The following FBXL7 variants were observed in gnomAD, a reference collection of about 807,000 sequenced individuals.
FBXL7 encodes F-box and leucine rich repeat protein 7.
In FBXL7, 12 loss-of-function variants were observed where a neutral mutation model predicts 38.3. The ratio of observed to expected loss-of-function variants is 0.31; its 90% CI spans 0.20 to 0.51. The LOEUF is 0.51. Among genes scored for constraint, FBXL7 ranks in the 20% least tolerant of loss-of-function variants. FBXL7 has a pLI of 0.98. For synonymous variants in FBXL7, 297 were observed against 300.9 expected, an observed-to-expected ratio of 0.99 and a Z score of 0.13; for missense variants, 567 against 676.4, an observed-to-expected ratio of 0.84 and a Z score of 1.79.
chr5:15,556,313 G>A (rs1376477627), intron 1 of FBXL7, among the ~76,000 whole-genome samples: 1 of 151,998 alleles, frequency 6.6e-6, no homozygotes, highest in Non-Finnish European at 1.5e-5. Context: ...ACGTGTGTCT[G>A]AGCCCAAGCA....
chr5:15,506,149 TAAAG>T (rs1736641137), intron 1 of FBXL7, among the ~76,000 whole-genome samples: 1 of 152,064 alleles, frequency 6.6e-6, no homozygotes, highest in Admixed American at 6.6e-5. Flanking sequence ...ACTTTTCACT[TAAAG>T]GAAGCCGTTT....
rs1737856909 is a variant in FBXL7 at position 15,544,867 on chromosome 5, TA to T, written c.37+44155del. ...CATCTTCATCTGACTTCATTCTTTT[TA>T]GCCGTCTTATTCATTGAGTTTTGGA... On this transcript the variant is annotated intron_variant, in intron 1 of 3. Coordinates refer to ENST00000504595, the MANE Select transcript of FBXL7 (RefSeq NM_012304.5). 2.6e-5 allele frequency among the ~76,000 whole-genome samples: 4 copies of T among 152,364 alleles called. No individual in the cohort carries two copies. The South Asian group carries it at 8.3e-4, about 32-fold the overall frequency.
intron 2 of FBXL7, among the ~76,000 whole-genome samples, chr5:15,685,115 G>C (rs1742975326): frequency 6.6e-6 from 1 of 152,010 alleles, no homozygotes; most frequent in East Asian, 1.9e-4. Context: ...CTACCTGATA[G>C]ACAGAAGTAT....
chr5:15,695,323 A>T (rs1360877958), intron 2 of FBXL7, among the ~76,000 whole-genome samples: 1 of 152,024 alleles, frequency 6.6e-6, no homozygotes, highest in Non-Finnish European at 1.5e-5. Flanking sequence ...AGAAGCCAGC[A>T]GGCGTCCAGG....
chr5:15,823,887 T>C (rs1738237169), intron 2 of FBXL7, among the ~76,000 whole-genome samples: 1 of 152,102 alleles, frequency 6.6e-6, no homozygotes, highest in Non-Finnish European at 1.5e-5. Flanking sequence ...TGTCTCCCCT[T>C]TCAAATACAG....
intron 2 of FBXL7, among the ~76,000 whole-genome samples, chr5:15,893,767 A>G (rs1741006473): frequency 6.6e-6 from 1 of 152,230 alleles, no homozygotes; most frequent in Admixed American, 6.5e-5. Flanking sequence ...TAGAACTTAT[A>G]TTTGAAGACA....
chr5:15,865,751 AC>A (rs1739683032), intron 2 of FBXL7, among the ~76,000 whole-genome samples: 1 of 152,034 alleles, frequency 6.6e-6, no homozygotes, highest in African/African-American at 2.4e-5. Flanking sequence ...AAAACAATAT[AC>A]AATAGAACCA....
intron 1 of FBXL7, among the ~76,000 whole-genome samples, chr5:15,510,053 A>C (rs1387594637): frequency 2.0e-5 from 3 of 152,196 alleles, no homozygotes; most frequent in South Asian, 4.1e-4. Flanking sequence ...TGGAACTGCA[A>C]ATCTCTATTA....
intron 2 of FBXL7, among the ~76,000 whole-genome samples, chr5:15,857,510 A>G (rs973467762): frequency 2.0e-5 from 3 of 152,190 alleles, no homozygotes; most frequent in Non-Finnish European, 2.9e-5. Flanking sequence ...CTTGCATGCT[A>G]TATTTCTATG....
At chr5:15,918,763 A>G (rs1462601027) in intron 2 of FBXL7, among the ~76,000 whole-genome samples, 2 of 152,230 alleles carry the variant, frequency 1.3e-5, no homozygotes, top group Non-Finnish European at 2.9e-5. Flanking sequence ...TGACCAAGAA[A>G]GCAGGTCTTT....
intron 2 of FBXL7, among the ~76,000 whole-genome samples, chr5:15,736,343 A>T (rs1378430213): frequency 6.6e-6 from 1 of 152,164 alleles, no homozygotes; most frequent in Non-Finnish European, 1.5e-5. Flanking sequence ...GCTTTTCAAT[A>T]CTCCAGCAAC....
At chr5:15,768,137 C>T (rs1018185290) in intron 2 of FBXL7, among the ~76,000 whole-genome samples, 2 of 152,136 alleles carry the variant, frequency 1.3e-5, no homozygotes, top group South Asian at 2.1e-4. Context: ...GAAATGAATA[C>T]GTTCAAGTGA....
rs999676893 is a variant in FBXL7, at chr5:15,500,610, C to G, written c.-67C>G. 6.2e-7 allele frequency: 1 copy of G among 1,608,354 alleles called. No homozygotes were observed. Among genetic ancestry groups the G allele is most frequent in the Non-Finnish European group, 8.5e-7 (1 of 1,175,226 alleles). ...CCCGTCGGGCGGGCTTTCCTCGGGCCGAGCGCGCAGGACGTGCGCCGCAGC... is the reference window on the plus strand; with the variant it reads ...CCCGTCGGGCGGGCTTTCCTCGGGCGGAGCGCGCAGGACGTGCGCCGCAGC... On this transcript the variant is annotated 5_prime_UTR_variant, in exon 1 of 4. Transcript: ENST00000504595.
Position 15,794,083 on chromosome 5 carries a change from C to T in FBXL7, c.128-133807C>T, listed in dbSNP as rs533506348. On this transcript the variant is annotated intron_variant, in intron 2 of 3. Coordinates refer to ENST00000504595, the MANE Select transcript of FBXL7 (RefSeq NM_012304.5). ...AGTCACTAGGTTTATGATGCCATCT[C>T]GTTTAAGCATATTTGCATCTTAGCA... Among the ~76,000 whole-genome samples, 3 of 152,282 alleles carry T rather than the reference C, an allele frequency of 2.0e-5. No individual in the cohort carries two copies. In the South Asian group the frequency reaches 6.2e-4, roughly 32 times the overall value.
intron 2 of FBXL7, among the ~76,000 whole-genome samples, chr5:15,753,277 C>A (rs1357253955): frequency 6.6e-6 from 1 of 152,140 alleles, no homozygotes; most frequent in Non-Finnish European, 1.5e-5. Flanking sequence ...TCTTTGAGAG[C>A]TTATTTTGGC....
At chr5:15,721,097 G>A (rs1276101470) in intron 2 of FBXL7, among the ~76,000 whole-genome samples, 1 of 152,094 alleles carries the variant, frequency 6.6e-6, no homozygotes, top group African/African-American at 2.4e-5. Context: ...TACAAAAGTT[G>A]TAAATGCTTG....
At position 15,686,829 on chromosome 5, in the gene FBXL7, G is replaced by A. The variant is rs112393225; in HGVS notation, c.127+70757G>A. 1.1e-3 allele frequency among the ~76,000 whole-genome samples: 173 copies of A among 152,262 alleles called. 1 individual carries two copies. Among genetic ancestry groups the A allele is most frequent in the African/African-American group, 4.0e-3 (168 of 41,558 alleles). On this transcript the variant is annotated intron_variant, in intron 2 of 3. Transcript: ENST00000504595. ...ATTGTGACCTTCTTAAGTTTCAATGGATTGGACCACTGAGCCAAGAAGTAT... is the reference window on the plus strand; with the variant it reads ...ATTGTGACCTTCTTAAGTTTCAATGAATTGGACCACTGAGCCAAGAAGTAT...
chr5:15,690,136 T>G (rs2126620930), intron 2 of FBXL7, among the ~76,000 whole-genome samples: 1 of 152,360 alleles, frequency 6.6e-6, no homozygotes, highest in Admixed American at 6.5e-5. Flanking sequence ...TTCTATATTT[T>G]TTTAAACAAA....
chr5:15,791,965 C>T (rs1737288833), intron 2 of FBXL7, among the ~76,000 whole-genome samples: 1 of 152,100 alleles, frequency 6.6e-6, no homozygotes, highest in South Asian at 2.1e-4. Context: ...CCAAGAGTGT[C>T]CCGTGAAAAA....
Sources: gnomAD v4.1 joint callset for allele counts (sites outside exome capture counted in the v4.1 genomes callset) on GRCh38, gnomAD v4.1.1 for gene constraint, MANE v1.5 for transcripts, NCBI Gene and HGNC (gene_info 2026-07-23, HGNC 2026-07-21) for gene names.